The following RPS6KB2 variants were observed in gnomAD, a reference collection of about 807,000 sequenced individuals.
RPS6KB2 encodes ribosomal protein S6 kinase beta-2.
In RPS6KB2, 51 loss-of-function variants were observed where a neutral mutation model predicts 58.2. The observed-to-expected ratio is 0.88, with a 90% CI of 0.70 to 1.11. The LOEUF (loss-of-function observed/expected upper bound fraction) is 1.11. Among genes scored for constraint, RPS6KB2 ranks in the 50% least tolerant of loss-of-function variants. The probability of loss-of-function intolerance (pLI) is 0.00; values close to 1 mark genes in which losing one functional copy is unlikely to be tolerated. For missense variants in RPS6KB2, 671 were observed against 655.8 expected (o/e 1.02, Z -0.25); for synonymous variants, 293 against 258.6 (o/e 1.13, Z -1.28).
rs746811418 is a variant in RPS6KB2 at position 67,429,606 on chromosome 11, C to T, written c.309+11C>T. ...AAAGTCCTAAGGAAGGTGAGTCACT[C>T]GTTCAGCCAACGAATACTGTGTGGC... On this transcript the variant is annotated intron_variant, in intron 4 of 14. Transcript: ENST00000312629. The T allele has an allele frequency of 5.0e-6, 8 of 1,603,102 alleles. No individual in the cohort carries two copies. Among genetic ancestry groups the T allele is most frequent in the Middle Eastern group, 1.7e-4 (1 of 6,004 alleles).
Position 67,429,621 on chromosome 11 carries a change from T to C in RPS6KB2, c.309+26T>C, listed in dbSNP as rs367611886. ...GTGAGTCACTCGTTCAGCCAACGAATACTGTGTGGCTGCCATTCCCAACAT... is the reference window on the plus strand; with the variant it reads ...GTGAGTCACTCGTTCAGCCAACGAACACTGTGTGGCTGCCATTCCCAACAT... On this transcript the variant is annotated intron_variant, in intron 4 of 14. Transcript: ENST00000312629. 1.2e-5 allele frequency: 19 copies of C among 1,570,364 alleles called. No individual in the cohort carries two copies. In the African/African-American group the frequency reaches 2.2e-4, roughly 18 times the overall value.
Position 67,432,607 on chromosome 11 carries a change from G to A in RPS6KB2, c.465G>A (p.Glu155=). Residue 155 remains glutamate (E), a synonymous_variant, in exon 6 of 15, where the codon GAG becomes GAA. Transcript: ENST00000312629. The part of the protein sequence containing the change: ...YLILECLSGG[E]LFTHLEREGI... ...GACGTGTTTGTGTGGCAGGTGGCGA[G>A]CTCTTCACGCATCTGGAGCGAGAGG... 8 of 1,614,220 alleles carry A rather than the reference G, an allele frequency of 5.0e-6. No homozygotes were observed. Among genetic ancestry groups the A allele is most frequent in the Non-Finnish European group, 6.8e-6 (8 of 1,180,042 alleles).
chr11:67,428,903 G>C (rs1863930563), intron 1 of RPS6KB2, 79 bp from the exon 2 acceptor site: 1 of 1,548,072 alleles, frequency 6.5e-7, no homozygotes, highest in Non-Finnish European at 8.9e-7. Context: ...TTCTCTCCTG[G>C]GCCACGCAGT....
In RPS6KB2 at chr11:67,428,531, G is replaced by T. The variant is rs1395732413; in HGVS notation, c.-15G>T. 2 of 1,600,890 alleles carry T rather than the reference G, an allele frequency of 1.2e-6. No individual in the cohort carries two copies. The highest frequency in any genetic ancestry group is 1.7e-6 in the Non-Finnish European group (2 of 1,173,808). On this transcript the variant is annotated 5_prime_UTR_variant, in exon 1 of 15. Coordinates refer to ENST00000312629, the MANE Select transcript of RPS6KB2 (RefSeq NM_003952.3). Reference sequence around the variant, plus strand: ...GCCAGGTACGGGCCGACGGGCCCGCGGGGCCGGCGCCGCCATGGCGGCCGT... The same window carrying T: ...GCCAGGTACGGGCCGACGGGCCCGCTGGGCCGGCGCCGCCATGGCGGCCGT...
At position 67,429,163 on chromosome 11, in the gene RPS6KB2, G is replaced by T. The variant is rs1285507462; in HGVS notation, c.163G>T (p.Val55Leu). Residue 55 changes from valine to leucine, a missense_variant, in exon 3 of 15, where the codon GTG becomes TTG. Coordinates refer to ENST00000312629, the MANE Select transcript of RPS6KB2 (RefSeq NM_003952.3). The part of the protein sequence containing the change: ...YEEVELTETS[V>L]NVGPERIGPH... The stretch of plus-strand genomic sequence containing the variant: ...AGAGGTGGAGCTGACTGAGACCAGC[G>T]TGAACGTTGGCCCAGAGCGCATCGG... 6.2e-7 allele frequency: 1 copy of T among 1,613,944 alleles called. No homozygotes were observed. Among genetic ancestry groups the T allele is most frequent in the Non-Finnish European group, 8.5e-7 (1 of 1,180,036 alleles).
chr11:67,428,878 C>T (rs756137065), intron 1 of RPS6KB2, 104 bp from the exon 2 acceptor site: 15 of 1,343,282 alleles, frequency 1.1e-5, no homozygotes, highest in Middle Eastern at 1.8e-4. Context: ...CTACTAGCTG[C>T]CATCCCTGAC....
intron 10 of RPS6KB2, 103 bp from the exon 11 acceptor site, chr11:67,433,892 A>C: frequency 7.6e-7 from 1 of 1,311,374 alleles, no homozygotes; most frequent in Non-Finnish European, 1.1e-6. Flanking sequence ...ACCCAAAAGC[A>C]TTCTCTCCCA....
chr11:67,434,797 G>A, intron 14 of RPS6KB2, 103 bp downstream of exon 14: 17 of 1,050,868 alleles, frequency 1.6e-5, no homozygotes, highest in Non-Finnish European at 2.4e-5. Context: ...GCCAGTGTTG[G>A]CTTCGGTTGC....
Position 67,435,234 on chromosome 11 carries a change from C to A in RPS6KB2, c.*65C>A. 2 of 1,385,668 alleles carry A rather than the reference C, an allele frequency of 1.4e-6. No individual in the cohort carries two copies. Among genetic ancestry groups the A allele is most frequent in the Non-Finnish European group, 1.9e-6 (2 of 1,043,134 alleles). 85.8% of individuals were successfully genotyped at this position (1,385,668 alleles called of 1,614,324 possible). On this transcript the variant is annotated 3_prime_UTR_variant, in exon 15 of 15. Transcript: ENST00000312629. Reference sequence around the variant, plus strand: ...CCTGCGGCTGTGAGAGCAGCAGGACCCTGGGCCAGTTCCAGAGACCTGGGG... The same window carrying A: ...CCTGCGGCTGTGAGAGCAGCAGGACACTGGGCCAGTTCCAGAGACCTGGGG...
rs762255901 is a variant in RPS6KB2, at chr11:67,429,246, G to C, written c.240+6G>C. 3 of 1,612,302 alleles carry C rather than the reference G, an allele frequency of 1.9e-6. No individual in the cohort carries two copies. In the South Asian group the frequency reaches 3.3e-5, roughly 18 times the overall value. ...GCAAGGGGGGCTATGGCAAGGTAGG[G>C]GCGGGCGCACCCTCCTCCTGGCCTC... On this transcript the variant is annotated splice_donor_region_variant and intron_variant, in intron 3 of 14. Transcript: ENST00000312629.
At chr11:67,428,942 C>T (rs1863932709) in intron 1 of RPS6KB2, 40 bp from the exon 2 acceptor site, 1 of 1,613,504 alleles carries the variant, frequency 6.2e-7, no homozygotes, top group Non-Finnish European at 8.5e-7. Context: ...GGGAGGTATC[C>T]TGGCACCTTC....
Position 67,433,333 on chromosome 11 carries a change from C to A in RPS6KB2, c.799-7C>A. 2 of 1,613,062 alleles carry A rather than the reference C, an allele frequency of 1.2e-6. No individual in the cohort carries two copies. Among genetic ancestry groups the A allele is most frequent in the Non-Finnish European group, 1.7e-6 (2 of 1,179,284 alleles). ...ACAAGGCTCCTCTCACCTTCCTCCT[C>A]CTCCAGCCGCCCTTCACCGCAGAGA... On this transcript the variant is annotated splice_region_variant and splice_polypyrimidine_tract_variant and intron_variant, in intron 9 of 14. Coordinates refer to ENST00000312629, the MANE Select transcript of RPS6KB2 (RefSeq NM_003952.3).
Position 67,428,524 on chromosome 11 carries a change from G to A in RPS6KB2, c.-22G>A. The A allele has an allele frequency of 6.3e-7, 1 of 1,595,806 alleles. No individual in the cohort carries two copies. Among genetic ancestry groups the A allele is most frequent in the African/African-American group, 1.3e-5 (1 of 74,644 alleles). On this transcript the variant is annotated 5_prime_UTR_variant, in exon 1 of 15. Transcript: ENST00000312629. ...GTGCGCGGCCAGGTACGGGCCGACG[G>A]GCCCGCGGGGCCGGCGCCGCCATGG...
intron 9 of RPS6KB2, 58 bp from the exon 10 acceptor site, chr11:67,433,282 C>G: frequency 6.2e-7 from 1 of 1,605,058 alleles, no homozygotes; most frequent in Non-Finnish European, 8.5e-7. Flanking sequence ...CCTCCTGGGG[C>G]AAGGGCAGGG....
Position 67,433,227 on chromosome 11 carries a change from C to T in RPS6KB2, c.798+11C>T. On this transcript the variant is annotated intron_variant, in intron 9 of 14. Transcript: ENST00000312629. ...ATGCTCACTGGATCGGCAAGTCCAG[C>T]CCCCGGGGAGGAGGAGGGGCAGGGG... 6.2e-7 allele frequency: 1 copy of T among 1,606,330 alleles called. No individual in the cohort carries two copies. Among genetic ancestry groups the T allele is most frequent in the East Asian group, 2.2e-5 (1 of 44,804 alleles).
chr11:67,429,775 A>T, intron 4 of RPS6KB2, 180 bp downstream of exon 4: 1 of 586,852 alleles, frequency 1.7e-6, no homozygotes, highest in Non-Finnish European at 3.0e-6. Flanking sequence ...GGCAATTTTG[A>T]CTCCCAGCAG....
intron 1 of RPS6KB2, 129 bp downstream of exon 1, chr11:67,428,752 C>T: frequency 1.0e-6 from 1 of 978,664 alleles, no homozygotes; most frequent in South Asian, 1.5e-5. Flanking sequence ...TCTCAGATCC[C>T]GGTCTCTATT....
intron 4 of RPS6KB2, chr11:67,430,499 G>A (rs1863986221): frequency 1.3e-5 from 2 of 151,344 alleles, no homozygotes; most frequent in Non-Finnish European, 2.9e-5. Flanking sequence ...TTTTTGTCAT[G>A]TTGGTCAGGC....
At position 67,435,215 on chromosome 11, in the gene RPS6KB2, G is replaced by T; in HGVS notation, c.*46G>T. 1.4e-6 allele frequency: 2 copies of T among 1,465,100 alleles called. No individual in the cohort carries two copies. Among genetic ancestry groups the T allele is most frequent in the Non-Finnish European group, 9.1e-7 (1 of 1,102,916 alleles). 90.8% of individuals were successfully genotyped at this position (1,465,100 alleles called of 1,614,324 possible). On this transcript the variant is annotated 3_prime_UTR_variant, in exon 15 of 15. Transcript: ENST00000312629. ...GTAGCCCTTGAGCCCTGTCCCTGCG[G>T]CTGTGAGAGCAGCAGGACCCTGGGC...
Sources: gnomAD v4.1 joint callset for allele counts on GRCh38, gnomAD v4.1.1 for gene constraint, MANE v1.5 for transcripts, NCBI Gene and HGNC (gene_info 2026-07-23, HGNC 2026-07-21) for gene names.